Variants in KLF12 observed in about 807,000 individuals in gnomAD.
KLF12 encodes the protein KLF transcription factor 12.
Under a neutral mutation model 37.8 loss-of-function variants are expected in KLF12, and 9 were observed. That is an observed-to-expected ratio of 0.24 (90% CI 0.14 to 0.42). KLF12 has a LOEUF of 0.42. Ranked by LOEUF, KLF12 falls within the 10% of genes least tolerant of loss-of-function variation. KLF12 has a pLI of 1.00. For synonymous variants in KLF12, 208 were observed against 202.1 expected, an observed-to-expected ratio of 1.03 and a Z score of -0.25; for missense variants, 411 against 516.0, an observed-to-expected ratio of 0.80 and a Z score of 1.97.
At chr13:74,214,450 T>C in the KLF12 span, among the ~76,000 whole-genome samples, 1 of 152,214 alleles carries the variant, frequency 6.6e-6, no homozygotes, top group Admixed American at 6.5e-5. Flanking sequence ...CTTGAGATGA[T>C]CTGGGAGATC....
chr13:74,137,917 C>A (rs1394752238), upstream of KLF12, among the ~76,000 whole-genome samples: 1 of 152,202 alleles, frequency 6.6e-6, no homozygotes, highest in African/African-American at 2.4e-5. Context: ...TGCGCCACCA[C>A]GCCTGGCTAA....
At chr13:73,951,880 G>C (rs1409232932) in intron 2 of KLF12, among the ~76,000 whole-genome samples, 1 of 152,224 alleles carries the variant, frequency 6.6e-6, no homozygotes, top group African/African-American at 2.4e-5. Context: ...CAGGAGGACA[G>C]AGAGTTCTCT....
At chr13:73,914,210 A>G (rs1287342005) in intron 3 of KLF12, among the ~76,000 whole-genome samples, 1 of 152,114 alleles carries the variant, frequency 6.6e-6, no homozygotes, top group Non-Finnish European at 1.5e-5. Context: ...TTCCTTTTCC[A>G]GGTCCTTCTC....
chr13:74,265,927 G>A, the KLF12 span, among the ~76,000 whole-genome samples: 1 of 152,198 alleles, frequency 6.6e-6, no homozygotes, highest in African/African-American at 2.4e-5. Context: ...GAAATGGTAG[G>A]TTGTGGTCAT....
rs748773890 is a variant in KLF12, at chr13:73,944,026, C to A, written c.78G>T (p.Met26Ile). 6.8e-5 allele frequency: 109 copies of A among 1,612,892 alleles called. 1 individual carries two copies. In the East Asian group the frequency reaches 2.4e-3, roughly 36 times the overall value. Reference sequence around the variant, plus strand: ...GCTCTGTTTTGACTCTGACTGCCGGCATCCCATCAAGCATTAACATTCTGT... The same window carrying A: ...GCTCTGTTTTGACTCTGACTGCCGGAATCCCATCAAGCATTAACATTCTGT... The change falls in exon 3 of 8, where the codon ATG becomes ATT. Residue 26 changes from methionine to isoleucine, a missense_variant. Physicochemically the swap from Met to Ile is conservative, Grantham distance 10. This residue lies in a region of KLF12 where 351 missense variants were observed against 397.8 expected (regional missense o/e 0.88). Coordinates refer to ENST00000377669, the MANE Select transcript of KLF12 (RefSeq NM_007249.5).
chr13:73,736,307 A>C (rs1392748083), intron 6 of KLF12, among the ~76,000 whole-genome samples: 1 of 152,212 alleles, frequency 6.6e-6, no homozygotes, highest in Non-Finnish European at 1.5e-5. Flanking sequence ...ACATTAATTA[A>C]GGATATCATC....
intron 1 of KLF12, among the ~76,000 whole-genome samples, chr13:74,057,587 G>GAAT (rs1158658976): frequency 6.6e-6 from 1 of 152,148 alleles, no homozygotes; most frequent in Non-Finnish European, 1.5e-5. Context: ...TCCTAAACTG[G>GAAT]AATAACAAGT....
At chr13:73,934,457 T>C (rs1889833442) in intron 3 of KLF12, among the ~76,000 whole-genome samples, 1 of 152,220 alleles carries the variant, frequency 6.6e-6, no homozygotes, top group Non-Finnish European at 1.5e-5. Flanking sequence ...TAAAAAGATT[T>C]TTAAATTCTT....
intron 2 of KLF12, among the ~76,000 whole-genome samples, chr13:73,967,396 T>C (rs1247852488): frequency 6.6e-6 from 1 of 152,124 alleles, no homozygotes; most frequent in Non-Finnish European, 1.5e-5. Context: ...ATACAGTGGA[T>C]GATGTGTAAA....
the KLF12 span, chr13:74,258,807 C>T: frequency 6.6e-6 from 1 of 152,172 alleles, no homozygotes; most frequent in Admixed American, 6.5e-5. Flanking sequence ...CTTAGTTTCC[C>T]CAGAAGCAGA....
At chr13:73,899,957 T>C (rs145046527) in intron 3 of KLF12, among the ~76,000 whole-genome samples, 231 of 152,308 alleles carry the variant, frequency 1.5e-3, no homozygotes, top group African/African-American at 4.6e-3. Flanking sequence ...ATATGTTGTA[T>C]CCTATCGGTT....
rs150819576 is a variant in KLF12 at position 74,068,494 on chromosome 13, T to C, written c.-32+65245A>G. Among the ~76,000 whole-genome samples, 1,474 of 152,198 alleles carry C rather than the reference T, an allele frequency of 9.7e-3. 89 individuals carry two copies. The highest frequency in any genetic ancestry group is 0.088 in the Admixed American group (1,352 of 15,278). On this transcript the variant is annotated intron_variant, in intron 1 of 7. Coordinates refer to ENST00000377669, the MANE Select transcript of KLF12 (RefSeq NM_007249.5). ...GATTCATGCTGGAAGAAAGTGTGGA[T>C]CCTACATCCAAAGATTGATAGAAGA... is the stretch of plus-strand genomic sequence containing the variant.
intron 1 of KLF12, among the ~76,000 whole-genome samples, chr13:74,101,374 G>C (rs975382382): frequency 5.3e-5 from 8 of 152,062 alleles, no homozygotes; most frequent in Admixed American, 2.0e-4. Context: ...TCTGTCTTCT[G>C]TCATCTTATT....
chr13:74,181,534 C>CA, the KLF12 span, among the ~76,000 whole-genome samples: 7 of 149,916 alleles, frequency 4.7e-5, no homozygotes, highest in Middle Eastern at 3.4e-3. Flanking sequence ...AACAAACAAA[C>CA]AAAAAAAGAA....
At chr13:73,870,908 T>A (rs1436623369) in intron 3 of KLF12, among the ~76,000 whole-genome samples, 20 of 152,204 alleles carry the variant, frequency 1.3e-4, no homozygotes. Flanking sequence ...ATAGTTTCTT[T>A]GGGGAAACTG....
At chr13:73,738,543 G>A (rs932703190) in intron 6 of KLF12, among the ~76,000 whole-genome samples, 3 of 152,008 alleles carry the variant, frequency 2.0e-5, no homozygotes, top group Admixed American at 6.6e-5. Flanking sequence ...CTGATCTTTC[G>A]AATCTCAAAT....
chr13:73,770,102 A>G (rs1026429114), intron 5 of KLF12, among the ~76,000 whole-genome samples: 4 of 152,326 alleles, frequency 2.6e-5, no homozygotes, highest in African/African-American at 9.6e-5. Flanking sequence ...TCAGTTTACT[A>G]CATTTGCTGA....
intron 1 of KLF12, among the ~76,000 whole-genome samples, chr13:73,999,877 G>A (rs188506618): frequency 5.3e-5 from 8 of 152,230 alleles, no homozygotes; most frequent in Admixed American, 2.6e-4. Flanking sequence ...TCACATGAAC[G>A]AATGGCATAT....
intron 7 of KLF12, among the ~76,000 whole-genome samples, chr13:73,697,004 G>A (rs1164077388): frequency 6.6e-6 from 1 of 151,808 alleles, no homozygotes. Context: ...TGGAGATCTG[G>A]GACTATTCTG....
Sources: allele counts gnomAD v4.1 joint callset (sites outside exome capture counted in the v4.1 genomes callset), GRCh38; gene constraint gnomAD v4.1.1; regional missense constraint gnomAD v4.1.1; transcripts MANE v1.5; gene names NCBI Gene and HGNC (gene_info 2026-07-23, HGNC 2026-07-21).